The following DLGAP2 variants were observed in gnomAD, a reference collection of about 807,000 sequenced individuals.
The protein encoded by DLGAP2 is disks large-associated protein 2.
A neutral mutation model predicts 100.3 loss-of-function variants in DLGAP2; 26 were observed. The observed-to-expected ratio is 0.26, with a 90% CI of 0.19 to 0.36. The LOEUF (loss-of-function observed/expected upper bound fraction) is 0.36, where lower values mean the gene tolerates loss of function less well. DLGAP2 is among the 10% of genes least tolerant of loss of function. The pLI is 1.00. For missense variants in DLGAP2, 1,858 were observed against 1,453.2 expected (o/e 1.28, Z -4.53); for synonymous variants, 886 against 630.1 (o/e 1.41, Z -6.08).
At chr8:1,054,804 A>G (rs888490881) in intron 2 of DLGAP2, among the ~76,000 whole-genome samples, 10 of 152,346 alleles carry the variant, frequency 6.6e-5, no homozygotes, top group African/African-American at 9.6e-5. Flanking sequence ...CTGAGATTCA[A>G]TTACTCTCAA....
intron 1 of DLGAP2, among the ~76,000 whole-genome samples, chr8:807,739 A>G (rs1042578274): frequency 2.6e-5 from 4 of 152,194 alleles, no homozygotes; most frequent in African/African-American, 4.8e-5. Flanking sequence ...GTGTTTTTCC[A>G]TAACTAAAAG....
chr8:893,337 C>T (rs1318181993), intron 1 of DLGAP2, among the ~76,000 whole-genome samples: 1 of 152,230 alleles, frequency 6.6e-6, no homozygotes, highest in African/African-American at 2.4e-5. Flanking sequence ...CCCTGAACTG[C>T]TGGGTGCCTT....
At chr8:1,374,331 C>G (rs1338308248) in intron 3 of DLGAP2, among the ~76,000 whole-genome samples, 1 of 151,728 alleles carries the variant, frequency 6.6e-6, no homozygotes, top group Non-Finnish European at 1.5e-5. Context: ...TCCCATGCAG[C>G]CCGCAAAACA....
intron 1 of DLGAP2, among the ~76,000 whole-genome samples, chr8:834,218 G>A (rs1197266632): frequency 6.6e-6 from 1 of 152,226 alleles, no homozygotes; most frequent in Non-Finnish European, 1.5e-5. Context: ...ACGAGTCCCA[G>A]TAGAGCAGTG....
intron 2 of DLGAP2, among the ~76,000 whole-genome samples, chr8:1,061,512 C>T (rs1803081743): frequency 1.3e-5 from 2 of 152,118 alleles, no homozygotes; most frequent in African/African-American, 2.4e-5. Flanking sequence ...TTCTTATTTG[C>T]ATCCCCCCCT....
intron 4 of DLGAP2, among the ~76,000 whole-genome samples, chr8:1,512,066 T>C (rs933859238): frequency 2.0e-5 from 3 of 152,224 alleles, no homozygotes; most frequent in African/African-American, 7.2e-5. Context: ...TCCTCAGCCC[T>C]GTGACGCATC....
chr8:1,451,343 T>A (rs1357020800), intron 3 of DLGAP2, among the ~76,000 whole-genome samples: 1 of 152,136 alleles, frequency 6.6e-6, no homozygotes, highest in Non-Finnish European at 1.5e-5. Context: ...CCCCTTTCCC[T>A]GTCCAAGTGC....
At chr8:1,277,788 C>T (rs1427123697) in intron 3 of DLGAP2, among the ~76,000 whole-genome samples, 1 of 152,206 alleles carries the variant, frequency 6.6e-6, no homozygotes, top group Non-Finnish European at 1.5e-5. Context: ...TCTGAAACCT[C>T]ACCTTTCTCC....
intron 2 of DLGAP2, among the ~76,000 whole-genome samples, chr8:948,193 G>A (rs568066437): frequency 6.6e-6 from 1 of 152,278 alleles, no homozygotes; most frequent in Admixed American, 6.5e-5. Context: ...AACTTGGGCC[G>A]GGAGAGAAGA....
intron 3 of DLGAP2, among the ~76,000 whole-genome samples, chr8:1,317,387 C>G (rs371872927): frequency 0.018 from 1,875 of 103,006 alleles, 34 homozygotes; most frequent in Admixed American, 0.034. Context: ...AAAATAGAGC[C>G]TGTGCGAGTG....
chr8:1,584,561 A>C (rs1201501075), intron 6 of DLGAP2, among the ~76,000 whole-genome samples: 1 of 152,064 alleles, frequency 6.6e-6, no homozygotes, highest in African/African-American at 2.4e-5. Context: ...CTGTGTTGCA[A>C]CCGTTGCCAG....
chr8:1,370,295 G>A (rs928064432), intron 3 of DLGAP2, among the ~76,000 whole-genome samples: 13 of 152,080 alleles, frequency 8.5e-5, no homozygotes, highest in African/African-American at 2.7e-4. Flanking sequence ...CCCGAAGGTC[G>A]GCAGCAGTCA....
At chr8:1,032,359 C>T (rs953792660) in intron 2 of DLGAP2, among the ~76,000 whole-genome samples, 115 of 152,300 alleles carry the variant, frequency 7.6e-4, no homozygotes, top group Non-Finnish European at 1.5e-3. Flanking sequence ...GCCTGTCACT[C>T]GGCAGGACCT....
chr8:1,179,386 A>T (rs1797331990), intron 2 of DLGAP2, among the ~76,000 whole-genome samples: 1 of 152,166 alleles, frequency 6.6e-6, no homozygotes, highest in Non-Finnish European at 1.5e-5. Context: ...GGGGACTCTG[A>T]CTGTGCAGTC....
chr8:1,537,323 G>C (rs111665358), intron 4 of DLGAP2, among the ~76,000 whole-genome samples: 2,354 of 152,278 alleles, frequency 0.015, 61 homozygotes, highest in African/African-American at 0.053. Flanking sequence ...CTGTGTGTGT[G>C]GTGAGTGTGT....
At position 921,438 on chromosome 8, in the gene DLGAP2, C is replaced by T. The variant is rs764501268; in HGVS notation, c.73+13472C>T. On this transcript the variant is annotated intron_variant, in intron 2 of 14. Coordinates refer to ENST00000637795, the MANE Select transcript of DLGAP2 (RefSeq NM_001346810.2). Reference sequence around the variant, plus strand: ...TTCTGTGTCCACGTGTCCACAGACCCGACCTCCCTATTGCAGTGTTGAGTG... The same window carrying T: ...TTCTGTGTCCACGTGTCCACAGACCTGACCTCCCTATTGCAGTGTTGAGTG... Among the ~76,000 whole-genome samples the T allele has an allele frequency of 6.6e-5, 10 of 152,210 alleles. No homozygotes were observed. The East Asian group carries it at 7.8e-4, about 12-fold the overall frequency.
intron 3 of DLGAP2, among the ~76,000 whole-genome samples, chr8:1,272,463 T>TATATAGAAAAC (rs1396346983): frequency 6.6e-6 from 1 of 151,850 alleles, no homozygotes; most frequent in African/African-American, 2.4e-5. Context: ...AAACATTTTA[T>TATATAGAAAAC]ATATAGAAAA....
At chr8:969,613 T>C (rs1206190885) in intron 2 of DLGAP2, among the ~76,000 whole-genome samples, 1 of 152,184 alleles carries the variant, frequency 6.6e-6, no homozygotes, top group Non-Finnish European at 1.5e-5. Flanking sequence ...AAACCTGTTG[T>C]GTCCTAGGTA....
chr8:1,659,076 T>C (rs776224922), intron 8 of DLGAP2, among the ~76,000 whole-genome samples: 206 of 152,214 alleles, frequency 1.4e-3, no homozygotes, highest in Non-Finnish European at 2.4e-3. Flanking sequence ...ACTTATTTAT[T>C]TCTGCCTTAA....
Sources: gnomAD v4.1 joint callset for allele counts (sites outside exome capture counted in the v4.1 genomes callset) on GRCh38, gnomAD v4.1.1 for gene constraint, MANE v1.5 for transcripts, NCBI Gene and HGNC (gene_info 2026-07-23, HGNC 2026-07-21) for gene names.